RASA3: variants seen among roughly 807,000 people sequenced by gnomAD.
RASA3 encodes RAS p21 protein activator 3, also known as ras GTPase-activating protein 3.
A neutral mutation model predicts 110.0 loss-of-function variants in RASA3; 73 were observed. The ratio of observed to expected loss-of-function variants is 0.66; its 90% CI spans 0.55 to 0.81. RASA3 has a LOEUF of 0.81. Among genes scored for constraint, RASA3 ranks in the 30% least tolerant of loss-of-function variants. RASA3 has a pLI of 0.00. For missense variants in RASA3, 976 were observed against 1,113.2 expected, an observed-to-expected ratio of 0.88 and a Z score of 1.75; for synonymous variants, 500 against 451.4, an observed-to-expected ratio of 1.11 and a Z score of -1.37.
chr13:114,046,897 G>T (rs1477418482), intron 3 of RASA3, among the ~76,000 whole-genome samples: 1 of 152,170 alleles, frequency 6.6e-6, no homozygotes, highest in Non-Finnish European at 1.5e-5. Flanking sequence ...ACAGAATCCC[G>T]ACCCTTTTCT....
chr13:114,117,123 G>A (rs2080292682), intron 1 of RASA3, among the ~76,000 whole-genome samples: 2 of 139,816 alleles, frequency 1.4e-5, no homozygotes, highest in Admixed American at 7.0e-5. Context: ...CGTGTGTGAG[G>A]GATGCATGTG....
intron 3 of RASA3, among the ~76,000 whole-genome samples, chr13:114,050,468 G>A (rs188674652): frequency 1.3e-5 from 2 of 152,360 alleles, no homozygotes; most frequent in Non-Finnish European, 2.9e-5. Flanking sequence ...AAACACAGCA[G>A]TTTCTAAGAA....
At chr13:114,023,860 G>A (rs1476966483) in intron 8 of RASA3, among the ~76,000 whole-genome samples, 2 of 152,228 alleles carry the variant, frequency 1.3e-5, no homozygotes, top group Non-Finnish European at 2.9e-5. Flanking sequence ...CTCCACAGAG[G>A]CCACCCAGCC....
In RASA3 at chr13:114,028,331, TC is replaced by T. The variant is rs1452629460; in HGVS notation, c.450-405del. Among the ~76,000 whole-genome samples the T allele has an allele frequency of 4.1e-4, 40 of 97,042 alleles. 1 individual carries two copies. Among genetic ancestry groups the T allele is most frequent in the East Asian group, 1.6e-3 (5 of 3,156 alleles). The allele number at this position is 97,042 out of a possible 152,430, so 63.7% of individuals were successfully genotyped here. A position where few individuals can be genotyped will look rare whatever the true frequency, so the allele number is the denominator to read the frequency against. ...AGCCAGGATCTCTAAAACAGCGTCA[TC>T]CTGGGGGCCAGGACCCCTAAAACAG... On this transcript the variant is annotated intron_variant, in intron 5 of 23. Transcript: ENST00000334062.
In RASA3 at chr13:114,115,139, A is replaced by G. The variant is rs902584439; in HGVS notation, c.55+17296T>C. ...AGGCCGCTGAACAAGGCACAGGGCC[A>G]GGTCTGGCCGTGTAAAAATACTTGG... On this transcript the variant is annotated intron_variant, in intron 1 of 23. Coordinates refer to ENST00000334062, the MANE Select transcript of RASA3 (RefSeq NM_007368.4). The surrounding 1 kb of genome is among the most constrained non-coding windows in gnomAD (Gnocchi z 5.0). Among the ~76,000 whole-genome samples the G allele has an allele frequency of 7.2e-5, 11 of 152,214 alleles. No homozygotes were observed. Among genetic ancestry groups the G allele is most frequent in the African/African-American group, 2.4e-4 (10 of 41,454 alleles).
rs1477026685 is a variant in RASA3 at position 114,099,623 on chromosome 13, G to C, written c.56-25786C>G. Among the ~76,000 whole-genome samples, 2 of 3,144 alleles carry C rather than the reference G, an allele frequency of 6.4e-4. 1 individual carries two copies. Among genetic ancestry groups the C allele is most frequent in the African/African-American group, 2.4e-3 (2 of 830 alleles). 2.1% of individuals were successfully genotyped at this position (3,144 alleles called of 152,430 possible). On this transcript the variant is annotated intron_variant, in intron 1 of 23. Coordinates refer to ENST00000334062, the MANE Select transcript of RASA3 (RefSeq NM_007368.4). ...CGCCTGAGATGCAGCCCCCACAGCAGCCCCCCCACAGCCCCCCCACAGCCC... is the reference window on the plus strand; with the variant it reads ...CGCCTGAGATGCAGCCCCCACAGCACCCCCCCCACAGCCCCCCCACAGCCC...
At chr13:113,998,381 G>A (rs1411917978) in intron 20 of RASA3, among the ~76,000 whole-genome samples, 4 of 152,176 alleles carry the variant, frequency 2.6e-5, no homozygotes, top group African/African-American at 7.2e-5. Context: ...GACTGCCTGT[G>A]AATAACATGC....
chr13:114,060,074 T>C (rs1450316274), intron 2 of RASA3, among the ~76,000 whole-genome samples: 1 of 152,136 alleles, frequency 6.6e-6, no homozygotes, highest in African/African-American at 2.4e-5. Flanking sequence ...AATGAGGCCA[T>C]GGACGGCGCG....
At chr13:114,022,625 T>G (rs1353306959) in intron 8 of RASA3, among the ~76,000 whole-genome samples, 1 of 152,172 alleles carries the variant, frequency 6.6e-6, no homozygotes, top group Non-Finnish European at 1.5e-5. Context: ...GCTGACAGGC[T>G]GCACAGGAAC....
At chr13:114,039,375 C>T (rs889332102) in intron 4 of RASA3, among the ~76,000 whole-genome samples, 1 of 152,092 alleles carries the variant, frequency 6.6e-6, no homozygotes, top group Non-Finnish European at 1.5e-5. Context: ...GCGGTCCCAA[C>T]TGAGGACCCA....
At chr13:114,021,255 G>A (rs1313561022) in intron 9 of RASA3, 149 bp downstream of exon 9, 9 of 661,060 alleles carry the variant, frequency 1.4e-5, no homozygotes, top group South Asian at 3.8e-5. Flanking sequence ...GCCAGAGCTC[G>A]TCAGAGCTAC....
At chr13:114,020,746 T>C (rs1380150227) in intron 9 of RASA3, among the ~76,000 whole-genome samples, 1 of 152,182 alleles carries the variant, frequency 6.6e-6, no homozygotes, top group Non-Finnish European at 1.5e-5. Flanking sequence ...CAACATGTCC[T>C]GGGGTGGGTT....
chr13:114,059,331 G>T (rs1419227030), intron 2 of RASA3, among the ~76,000 whole-genome samples: 1 of 152,192 alleles, frequency 6.6e-6, no homozygotes, highest in South Asian at 2.1e-4. Flanking sequence ...CAAGGCCAAG[G>T]GGACGTTGGT....
At chr13:114,088,214 A>G (rs1594442007) in intron 1 of RASA3, among the ~76,000 whole-genome samples, 2 of 152,242 alleles carry the variant, frequency 1.3e-5, no homozygotes, top group African/African-American at 4.8e-5. Flanking sequence ...AGGCCTACAC[A>G]ATTAAGGAAT....
rs1201370065 is a variant in RASA3, at chr13:114,114,487, A to C, written c.55+17948T>G. Reference sequence around the variant, plus strand: ...GCACATTTCCTAGCTCTGTCAGCCAAAGTGAGGTCTGACCACAAAAGCTAC... The same window carrying C: ...GCACATTTCCTAGCTCTGTCAGCCACAGTGAGGTCTGACCACAAAAGCTAC... On this transcript the variant is annotated intron_variant, in intron 1 of 23. Coordinates refer to ENST00000334062, the MANE Select transcript of RASA3 (RefSeq NM_007368.4). This position sits in a 1 kb window ranked among gnomAD's most constrained non-coding sequence, Gnocchi z 4.8. Among the ~76,000 whole-genome samples the C allele has an allele frequency of 6.6e-6, 1 of 152,216 alleles. No homozygotes were observed. The highest frequency in any genetic ancestry group is 2.4e-5 in the African/African-American group (1 of 41,464).
intron 1 of RASA3, among the ~76,000 whole-genome samples, chr13:114,082,518 T>G (rs1189848321): frequency 1.6e-4 from 25 of 152,262 alleles, no homozygotes; most frequent in Non-Finnish European, 1.2e-4. Flanking sequence ...GCTCCCCGGG[T>G]GGACACACGC....
intron 1 of RASA3, among the ~76,000 whole-genome samples, chr13:114,111,148 C>G (rs78526624): frequency 3.6e-3 from 171 of 46,984 alleles, no homozygotes; most frequent in African/African-American, 5.5e-3. Context: ...AGCCTCAAAC[C>G]AGCTGCAGGC....
At chr13:114,095,764 G>T (rs2079934169) in intron 1 of RASA3, among the ~76,000 whole-genome samples, 1 of 152,138 alleles carries the variant, frequency 6.6e-6, no homozygotes, top group Non-Finnish European at 1.5e-5. Flanking sequence ...ACCTCTCCAG[G>T]CCTCAGTTTC....
intron 1 of RASA3, among the ~76,000 whole-genome samples, chr13:114,110,725 C>T (rs575540914): frequency 5.9e-5 from 9 of 152,262 alleles, no homozygotes; most frequent in Non-Finnish European, 1.2e-4. Flanking sequence ...ACATCACAGC[C>T]GCCTTCACCC....
Sources: allele counts gnomAD v4.1 joint callset (sites outside exome capture counted in the v4.1 genomes callset), GRCh38; gene constraint gnomAD v4.1.1; non-coding constraint Gnocchi (gnomAD v3.1); transcripts MANE v1.5; gene names NCBI Gene and HGNC (gene_info 2026-07-23, HGNC 2026-07-21).